Variants in IPO11 observed in about 807,000 individuals in gnomAD.
IPO11 encodes the protein importin 11.
IPO11 carries 66 observed loss-of-function variants against 143.2 expected under a neutral mutation model. The ratio of observed to expected loss-of-function variants is 0.46; its 90% confidence interval spans 0.38 to 0.57. IPO11 has a LOEUF of 0.57. Ranked by LOEUF, IPO11 falls within the 20% of genes least tolerant of loss-of-function variation. The pLI is 0.00. For missense variants in IPO11, 1,026 were observed against 1,141.0 expected, an observed-to-expected ratio of 0.90 and a Z score of 1.45; for synonymous variants, 385 against 377.8, an observed-to-expected ratio of 1.02 and a Z score of -0.22.
intron 22 of IPO11, among the ~76,000 whole-genome samples, chr5:62,535,797 A>C (rs559398103): frequency 8.5e-4 from 130 of 152,282 alleles, no homozygotes; most frequent in African/African-American, 2.9e-3. Context: ...AGAAATTAAG[A>C]AAAAATAATT....
intron 6 of IPO11, among the ~76,000 whole-genome samples, chr5:62,469,378 A>G (rs568870755): frequency 1.0e-3 from 158 of 152,360 alleles, no homozygotes; most frequent in African/African-American, 3.6e-3. Flanking sequence ...ACATTGCTTT[A>G]GACTTACAAA....
At position 62,437,426 on chromosome 5, in the gene IPO11, T is replaced by A. The variant is rs944019850; in HGVS notation, c.138+9T>A. On this transcript the variant is annotated intron_variant, in intron 2 of 29. Transcript: ENST00000325324. The stretch of plus-strand genomic sequence containing the variant: ...TCTATTCAGTGTTGCTGGTAAGTTG[T>A]TCTAAAATTGTTTGCTTTTCTTTTT... The A allele has an allele frequency of 1.3e-6, 2 of 1,591,356 alleles. No individual in the cohort carries two copies. Among genetic ancestry groups the A allele is most frequent in the Non-Finnish European group, 1.7e-6 (2 of 1,171,796 alleles).
chr5:62,515,741 G>C (rs188150032), intron 20 of IPO11, among the ~76,000 whole-genome samples: 130 of 151,972 alleles, frequency 8.6e-4, no homozygotes, highest in African/African-American at 2.9e-3. Flanking sequence ...CTCCAGTGAT[G>C]ATAGACTCAT....
At chr5:62,612,266 C>T (rs1745949977) in intron 29 of IPO11, among the ~76,000 whole-genome samples, 1 of 152,112 alleles carries the variant, frequency 6.6e-6, no homozygotes, top group African/African-American at 2.4e-5. Flanking sequence ...AAGATTTATT[C>T]AGAGAGTAAG....
intron 16 of IPO11, among the ~76,000 whole-genome samples, chr5:62,501,228 T>C (rs1338921705): frequency 6.6e-6 from 1 of 152,178 alleles, no homozygotes; most frequent in Non-Finnish European, 1.5e-5. Context: ...TCTAATTTTT[T>C]TTTCTATTTA....
chr5:62,521,686 G>A lies in IPO11; in HGVS notation c.1897-4456G>A, dbSNP rs75132103. ...TTTCTGAAGTTTTTGTTACTTACAT[G>A]ATAGATATTCTGAACCAGTCGTCTG... On this transcript the variant is annotated intron_variant, in intron 20 of 29. Transcript: ENST00000325324. 2.4e-3 allele frequency among the ~76,000 whole-genome samples: 358 copies of A among 151,026 alleles called. 1 individual carries two copies. The highest frequency in any genetic ancestry group is 8.0e-3 in the African/African-American group (332 of 41,326).
intron 29 of IPO11, among the ~76,000 whole-genome samples, chr5:62,623,649 T>TC (rs1443103524): frequency 1.7e-4 from 25 of 150,926 alleles, no homozygotes; most frequent in East Asian, 7.7e-4. Flanking sequence ...CTTTTTCTTT[T>TC]TTTTTTTTTT....
chr5:62,426,852 AAGAG>A (rs951057636), intron 1 of IPO11, among the ~76,000 whole-genome samples: 3 of 149,282 alleles, frequency 2.0e-5, no homozygotes, highest in South Asian at 2.1e-4. Flanking sequence ...AAAACAGACT[AAGAG>A]AGAATATTTT....
intron 5 of IPO11, among the ~76,000 whole-genome samples, chr5:62,457,874 C>T (rs1367667024): frequency 6.6e-6 from 1 of 152,084 alleles, no homozygotes; most frequent in African/African-American, 2.4e-5. Flanking sequence ...GCCGGCCGGG[C>T]GCGGTGGCTC....
intron 6 of IPO11, among the ~76,000 whole-genome samples, chr5:62,469,873 G>C (rs1373002794): frequency 3.3e-5 from 5 of 152,086 alleles, no homozygotes; most frequent in African/African-American, 4.8e-5. Context: ...CATTAATATA[G>C]CCGAAAACTG....
At chr5:62,450,548 A>G (rs1467391734) in intron 4 of IPO11, among the ~76,000 whole-genome samples, 1 of 152,138 alleles carries the variant, frequency 6.6e-6, no homozygotes, top group Non-Finnish European at 1.5e-5. Context: ...TTGCCCAGTG[A>G]CACATTTCTC....
intron 1 of IPO11, among the ~76,000 whole-genome samples, chr5:62,426,675 G>T (rs1344907760): frequency 6.6e-6 from 1 of 151,822 alleles, no homozygotes; most frequent in African/African-American, 2.4e-5. Context: ...TTATTAAAGT[G>T]TGTTGACTAT....
intron 27 of IPO11, among the ~76,000 whole-genome samples, chr5:62,588,268 C>T (rs1200144450): frequency 6.6e-6 from 1 of 151,764 alleles, no homozygotes; most frequent in Non-Finnish European, 1.5e-5. Flanking sequence ...GCTTTGTCAC[C>T]CATGCTGGAG....
chr5:62,456,268 G>A (rs1745150880), intron 5 of IPO11, among the ~76,000 whole-genome samples: 1 of 152,094 alleles, frequency 6.6e-6, no homozygotes. Flanking sequence ...CTCCCATAAT[G>A]CTGGGATCAC....
chr5:62,554,584 G>A lies in IPO11; in HGVS notation c.2460+3248G>A, dbSNP rs140239581. Among the ~76,000 whole-genome samples the A allele has an allele frequency of 6.0e-3, 918 of 152,210 alleles. 5 individuals are homozygous for A. The highest frequency in any genetic ancestry group is 0.01 in the Admixed American group (157 of 15,286). On this transcript the variant is annotated intron_variant, in intron 26 of 29. Coordinates refer to ENST00000325324, the MANE Select transcript of IPO11 (RefSeq NM_016338.5). The stretch of plus-strand genomic sequence containing the variant: ...TATCTTTTTCTTAAATCAGTTGGCT[G>A]TAAATGTATGGATTTATTTCTGGGT...
intron 12 of IPO11, among the ~76,000 whole-genome samples, chr5:62,486,283 T>A (rs26641): frequency 0.58 from 88,811 of 152,006 alleles, 26,221 homozygotes; most frequent in South Asian, 0.68. Context: ...CCTGGCCTTT[T>A]CTTTTGTTTA....
chr5:62,620,251 G>A (rs1746298354), intron 29 of IPO11, among the ~76,000 whole-genome samples: 1 of 152,098 alleles, frequency 6.6e-6, no homozygotes, highest in East Asian at 1.9e-4. Flanking sequence ...TGGGCGCGAT[G>A]CCTCACGCCT....
intron 16 of IPO11, among the ~76,000 whole-genome samples, chr5:62,496,027 C>T (rs1352862420): frequency 3.3e-5 from 5 of 152,052 alleles, no homozygotes; most frequent in Non-Finnish European, 5.9e-5. Flanking sequence ...TGGTGACTCA[C>T]GCCTATAATC....
chr5:62,567,858 C>T (rs559999400), intron 27 of IPO11, among the ~76,000 whole-genome samples: 23 of 148,594 alleles, frequency 1.5e-4, no homozygotes, highest in Non-Finnish European at 2.7e-4. Context: ...CACCGCACCC[C>T]GCTACATTTG....
Sources: gnomAD v4.1 joint callset for allele counts (sites outside exome capture counted in the v4.1 genomes callset) on GRCh38, gnomAD v4.1.1 for gene constraint, MANE v1.5 for transcripts, NCBI Gene and HGNC (gene_info 2026-07-23, HGNC 2026-07-21) for gene names.